Variants in RAPGEF6 observed in about 807,000 individuals in gnomAD.
RAPGEF6 encodes PDZ domain containing guanine nucleotide exchange factor (GEF) 2.
Under a neutral mutation model 171.4 loss-of-function variants are expected in RAPGEF6, and 56 were observed. That is an observed-to-expected ratio of 0.33 (90% confidence interval 0.26 to 0.41). The LOEUF (loss-of-function observed/expected upper bound fraction) is 0.41. Ranked by LOEUF, RAPGEF6 falls within the 10% of genes least tolerant of loss-of-function variation. The pLI, the probability that RAPGEF6 is intolerant of heterozygous loss-of-function variation, is 1.00. For missense variants in RAPGEF6, 1,674 were observed against 1,921.4 expected, an observed-to-expected ratio of 0.87 and a Z score of 2.41; for synonymous variants, 692 against 650.1, an observed-to-expected ratio of 1.06 and a Z score of -0.98.
At chr5:131,528,411 C>G (rs1759135581) in intron 6 of RAPGEF6, among the ~76,000 whole-genome samples, 1 of 142,678 alleles carries the variant, frequency 7.0e-6, no homozygotes, top group Non-Finnish European at 1.5e-5. Flanking sequence ...CCCAAAAGCC[C>G]CAAAGGAGAA....
At chr5:131,467,010 A>G (rs912555124) in intron 17 of RAPGEF6, among the ~76,000 whole-genome samples, 3 of 152,192 alleles carry the variant, frequency 2.0e-5, no homozygotes, top group African/African-American at 4.8e-5. Context: ...TCATTTTACT[A>G]GATCTTTGGG....
chr5:131,439,509 T>C (rs1397367584), intron 24 of RAPGEF6, 72 bp downstream of exon 24: 4 of 1,491,620 alleles, frequency 2.7e-6, no homozygotes, highest in Admixed American at 5.0e-5. Flanking sequence ...TTGCTATAGA[T>C]TGAAAAGCAA....
intron 23 of RAPGEF6, 21 bp downstream of exon 23, chr5:131,442,325 GTAA>G: frequency 1.3e-6 from 2 of 1,564,376 alleles, no homozygotes; most frequent in South Asian, 2.4e-5. Context: ...GTAAACGGAT[GTAA>G]TATTAATGGT....
intron 24 of RAPGEF6, among the ~76,000 whole-genome samples, chr5:131,436,732 T>C (rs968703305): frequency 2.0e-5 from 3 of 152,170 alleles, no homozygotes; most frequent in African/African-American, 4.8e-5. Flanking sequence ...GTAAAGTAAC[T>C]ATGTAGGTCT....
intron 9 of RAPGEF6, among the ~76,000 whole-genome samples, chr5:131,506,096 A>C (rs571395210): frequency 5.9e-5 from 9 of 152,358 alleles, no homozygotes; most frequent in African/African-American, 2.2e-4. Context: ...CGTTAAGAAA[A>C]TAATGCCTTC....
At chr5:131,603,225 T>G in intron 3 of RAPGEF6, 46 bp downstream of exon 3, 1 of 1,350,518 alleles carries the variant, frequency 7.4e-7, no homozygotes, top group Non-Finnish European at 1.0e-6. Flanking sequence ...GAGTTAAAAT[T>G]TAAACATAAA....
intron 23 of RAPGEF6, 57 bp downstream of exon 23, chr5:131,442,292 T>C: frequency 6.8e-7 from 1 of 1,475,972 alleles, no homozygotes; most frequent in African/African-American, 1.4e-5. Flanking sequence ...TATTTTTCAC[T>C]CTAACTCCCC....
rs1382875075 is a variant in RAPGEF6 at position 131,603,271 on chromosome 5, C to G, written c.197G>C (p.Cys66Ser). 1 of 1,580,090 alleles carries G rather than the reference C, an allele frequency of 6.3e-7. No individual in the cohort carries two copies. The highest frequency in any genetic ancestry group is 8.6e-7 in the Non-Finnish European group (1 of 1,163,262). Residue 66 changes from cysteine (C) to serine (S), a missense_variant and splice_region_variant, in exon 3 of 28, where the codon TGT (cysteine) becomes TCT (serine). This residue lies in a region of RAPGEF6 where 1,116 missense variants were observed against 1,321.5 expected (regional missense o/e 0.84). Coordinates refer to ENST00000509018, the MANE Select transcript of RAPGEF6 (RefSeq NM_016340.6). ...ERYSGNQVLF[C>S]SETIARCWYI... Reference sequence around the variant, plus strand: ...TTATGTGAATTATGGAAATACTTACCAAAAGAGAACCTGATTGCCACTGTA... The same window carrying G: ...TTATGTGAATTATGGAAATACTTACGAAAAGAGAACCTGATTGCCACTGTA...
rs956985037 is a variant in RAPGEF6, at chr5:131,425,046, T to C, written c.*2220A>G. ...ACCTCATGATTTTTTAAGGGATACA[T>C]ACATAACAAACTACAAAGCATTTGG... On this transcript the variant is annotated 3_prime_UTR_variant, in exon 28 of 28. Coordinates refer to ENST00000509018, the MANE Select transcript of RAPGEF6 (RefSeq NM_016340.6). 1.1e-4 allele frequency: 16 copies of C among 152,310 alleles called. No individual in the cohort carries two copies. Among genetic ancestry groups the C allele is most frequent in the Non-Finnish European group, 2.2e-4 (15 of 68,020 alleles). The allele number at this position is 152,310 out of a possible 1,614,324, so 9.4% of individuals were successfully genotyped here.
intron 6 of RAPGEF6, among the ~76,000 whole-genome samples, chr5:131,527,724 T>C (rs1282311943): frequency 6.6e-6 from 1 of 152,022 alleles, no homozygotes; most frequent in Non-Finnish European, 1.5e-5. Flanking sequence ...AATTATAAGA[T>C]GCTTCTAGGG....
At chr5:131,592,266 A>T in intron 4 of RAPGEF6, 117 bp downstream of exon 4, 1 of 1,457,702 alleles carries the variant, frequency 6.9e-7, no homozygotes, top group Non-Finnish European at 9.1e-7. Flanking sequence ...AGTATTTCCA[A>T]TGGTGCCAAC....
chr5:131,436,447 C>G, intron 24 of RAPGEF6: 1 of 1,332,058 alleles, frequency 7.5e-7, no homozygotes, highest in Non-Finnish European at 1.0e-6. Flanking sequence ...CATAATATTT[C>G]ACTATTTAAA....
intron 1 of RAPGEF6, among the ~76,000 whole-genome samples, chr5:131,606,029 C>CAAAAAAAAAAA (rs1168486376): frequency 1.1e-3 from 80 of 70,444 alleles, no homozygotes; most frequent in East Asian, 4.1e-3. Context: ...GACTCCATCT[C>CAAAAAAAAAAA]AAAAAAAAAA....
intron 6 of RAPGEF6, among the ~76,000 whole-genome samples, chr5:131,523,089 G>C (rs976760190): frequency 6.6e-6 from 1 of 152,006 alleles, no homozygotes; most frequent in Non-Finnish European, 1.5e-5. Flanking sequence ...TGACGAGACA[G>C]GATGGCACTG....
At chr5:131,561,040 G>A (rs1561563467) in intron 5 of RAPGEF6, among the ~76,000 whole-genome samples, 1 of 151,868 alleles carries the variant, frequency 6.6e-6, no homozygotes, top group Non-Finnish European at 1.5e-5. Flanking sequence ...GAGTCCACTC[G>A]GTATATGCTG....
At chr5:131,570,153 T>C (rs1762193734) in intron 4 of RAPGEF6, among the ~76,000 whole-genome samples, 1 of 150,164 alleles carries the variant, frequency 6.7e-6, no homozygotes, top group East Asian at 2.0e-4. Flanking sequence ...TACAATTTGA[T>C]AAGACAGTAC....
chr5:131,435,917 C>CA, intron 24 of RAPGEF6: 1 of 1,494,594 alleles, frequency 6.7e-7, no homozygotes, highest in Non-Finnish European at 8.9e-7. Context: ...TAACTGAAAA[C>CA]AAACTTAACA....
Position 131,603,258 on chromosome 5 carries a change from T to C in RAPGEF6, c.197+13A>G, listed in dbSNP as rs754184442. 7.7e-6 allele frequency: 12 copies of C among 1,567,958 alleles called. No homozygotes were observed. The highest frequency in any genetic ancestry group is 1.2e-5 in the South Asian group (1 of 84,168). On this transcript the variant is annotated intron_variant, in intron 3 of 27. Transcript: ENST00000509018. ...AAAAGTCATTAGTTTATGTGAATTA[T>C]GGAAATACTTACCAAAAGAGAACCT...
At chr5:131,501,523 C>T (rs759024416) in intron 11 of RAPGEF6, among the ~76,000 whole-genome samples, 8 of 151,760 alleles carry the variant, frequency 5.3e-5, no homozygotes, top group East Asian at 1.9e-4. Context: ...TATAAACTCA[C>T]GGCAAATTTA....
Sources: allele counts gnomAD v4.1 joint callset (sites outside exome capture counted in the v4.1 genomes callset), GRCh38; gene constraint gnomAD v4.1.1; regional missense constraint gnomAD v4.1.1; transcripts MANE v1.5; gene names NCBI Gene and HGNC (gene_info 2026-07-23, HGNC 2026-07-21).